TENM1: variants seen among roughly 807,000 people sequenced by gnomAD.
TENM1 encodes teneurin-1.
TENM1 carries 35 observed loss-of-function variants against 174.8 expected under a neutral mutation model. The observed-to-expected ratio is 0.20, with a 90% CI of 0.15 to 0.27. The LOEUF is 0.27. TENM1 is among the 10% of genes least tolerant of loss of function. The pLI, the probability that TENM1 is intolerant of heterozygous loss-of-function variation, is 1.00. For synonymous variants in TENM1, 781 were observed against 798.7 expected (o/e 0.98, Z 0.37); for missense variants, 1,633 against 2,130.1 (o/e 0.77, Z 4.59).
intron 22 of TENM1, among the ~76,000 whole-genome samples, chrX:124,468,618 T>G (rs1471575163): frequency 8.9e-6 from 1 of 112,394 alleles, no homozygotes; most frequent in East Asian, 2.8e-4. Flanking sequence ...CATGTTTTTA[T>G]AAATTTTCCA....
At position 124,926,685 on chromosome X, in the gene TENM1, C is replaced by T. The variant is rs185367716; in HGVS notation, c.218-30444G>A. Among the ~76,000 whole-genome samples the T allele has an allele frequency of 2.7e-5, 3 of 111,728 alleles. No individual in the cohort carries two copies. The East Asian group carries it at 8.5e-4, about 32-fold the overall frequency. On this transcript the variant is annotated intron_variant, in intron 1 of 31. Transcript: ENST00000422452. ...CAAATTTTAGTACACTGACTCCTTC[C>T]CTTTAATGAATAAACACACACAAGT... is the stretch of plus-strand genomic sequence containing the variant.
rs192550550 is a variant in TENM1, at chrX:124,383,750, G to A, written c.7181C>T (p.Thr2394Met). ...CTGTTTCCATATGTGATGATTAGGC[G>A]TTGTCCATCTGCCAGCAACAACATC... Residue 2394 changes from threonine (T) to methionine (M), a missense_variant, in exon 30 of 32, where the codon ACG (threonine) becomes ATG (methionine). Physicochemically the swap from Thr to Met is moderately conservative, Grantham distance 81. Transcript: ENST00000422452. 6.5e-5 allele frequency: 78 copies of A among 1,208,999 alleles called. No homozygotes were observed. The highest frequency in any genetic ancestry group is 1.5e-4 in the East Asian group (5 of 33,743).
intron 23 of TENM1, among the ~76,000 whole-genome samples, chrX:124,432,876 G>A: frequency 8.9e-6 from 1 of 112,511 alleles, no homozygotes; most frequent in Non-Finnish European, 1.9e-5. Context: ...TACTTAAAAA[G>A]GCTGCTTAAG....
At chrX:124,626,150 C>T (rs5910103) in intron 11 of TENM1, among the ~76,000 whole-genome samples, 10,974 of 110,643 alleles carry the variant, frequency 0.099, 632 homozygotes, top group Non-Finnish European at 0.16. Flanking sequence ...CAGAGGATTT[C>T]CTTTGCCAGA....
intron 3 of TENM1, among the ~76,000 whole-genome samples, chrX:124,804,990 GGAGA>G (rs1475662389): frequency 8.9e-6 from 1 of 112,031 alleles, no homozygotes; most frequent in African/African-American, 3.2e-5. Flanking sequence ...TCAATTCAGA[GGAGA>G]GAGAGTGTAT....
At chrX:124,430,530 A>C (rs1379138669) in intron 23 of TENM1, among the ~76,000 whole-genome samples, 1 of 112,437 alleles carries the variant, frequency 8.9e-6, no homozygotes. Flanking sequence ...TAGACCATCT[A>C]GCACAGTGCT....
intron 11 of TENM1, among the ~76,000 whole-genome samples, chrX:124,606,088 T>C (rs1345533429): frequency 2.7e-5 from 3 of 111,490 alleles, no homozygotes; most frequent in African/African-American, 6.5e-5. Context: ...CTGGTGTATT[T>C]AGATTACAAT....
At chrX:124,530,252 A>G (rs1032025596) in intron 15 of TENM1, among the ~76,000 whole-genome samples, 1 of 110,305 alleles carries the variant, frequency 9.1e-6, no homozygotes, top group African/African-American at 3.3e-5. Context: ...ATTCCTTAAT[A>G]TATCATTTTT....
intron 3 of TENM1, among the ~76,000 whole-genome samples, chrX:124,875,056 C>T (rs1603256292): frequency 9.0e-6 from 1 of 111,367 alleles, no homozygotes; most frequent in East Asian, 2.8e-4. Context: ...GTATGTTAGG[C>T]TTTTTATAAG....
At position 124,549,931 on chromosome X, in the gene TENM1, T is replaced by C. The variant is rs757430975; in HGVS notation, c.2435-2841A>G. Among the ~76,000 whole-genome samples, 306 of 109,778 alleles carry C rather than the reference T, an allele frequency of 2.8e-3. 2 individuals carry two copies. The highest frequency in any genetic ancestry group is 4.7e-3 in the Non-Finnish European group (245 of 52,577). ...CAGTTTTTTTTTTTTTTTCTAATTG[T>C]TCAGAATTGGAAGCTGTGGCACCCT... On this transcript the variant is annotated intron_variant, in intron 14 of 31. Coordinates refer to ENST00000422452, the Ensembl canonical transcript of TENM1.
At chrX:125,137,991 A>G in the TENM1 span, among the ~76,000 whole-genome samples, 3 of 111,757 alleles carry the variant, frequency 2.7e-5, no homozygotes, top group Admixed American at 1.9e-4. Flanking sequence ...TGTCCTTGCC[A>G]ATTTTAAATC....
intron 25 of TENM1, among the ~76,000 whole-genome samples, chrX:124,408,481 A>G (rs1008655647): frequency 9.0e-6 from 1 of 110,994 alleles, no homozygotes; most frequent in Admixed American, 9.5e-5. Context: ...TAGAGGAGGC[A>G]GGAGTTTGCA....
the TENM1 span, among the ~76,000 whole-genome samples, chrX:124,986,418 A>G: frequency 1.8e-5 from 2 of 112,015 alleles, no homozygotes; most frequent in Admixed American, 1.9e-4. Flanking sequence ...TTAGGTAATC[A>G]TAGAACACTC....
chrX:124,451,827 A>G (rs1413899469), intron 23 of TENM1, among the ~76,000 whole-genome samples: 3 of 112,093 alleles, frequency 2.7e-5, no homozygotes, highest in African/African-American at 9.7e-5. Flanking sequence ...ATATGGAGAA[A>G]GCTGAAACTG....
chrX:125,035,677 C>T, the TENM1 span, among the ~76,000 whole-genome samples: 24 of 111,800 alleles, frequency 2.1e-4, no homozygotes, highest in African/African-American at 7.8e-4. Context: ...AGTGCTAGTT[C>T]TTAGCCAGAA....
chrX:124,463,082 C>G (rs890261242), intron 22 of TENM1, among the ~76,000 whole-genome samples: 16 of 111,868 alleles, frequency 1.4e-4, no homozygotes, highest in African/African-American at 4.6e-4. Flanking sequence ...ACCGCTCCCC[C>G]CACCACACAC....
the TENM1 span, among the ~76,000 whole-genome samples, chrX:125,187,843 C>T: frequency 1.4e-3 from 156 of 111,169 alleles, no homozygotes; most frequent in South Asian, 8.3e-3. Flanking sequence ...GAAAGATGTT[C>T]AAAAATATTT....
In TENM1 at chrX:124,714,890, C is replaced by A. The variant is rs2053143066; in HGVS notation, c.777-9639G>T. On this transcript the variant is annotated intron_variant, in intron 4 of 31. Coordinates refer to ENST00000422452, the Ensembl canonical transcript of TENM1. Reference sequence around the variant, plus strand: ...ATTAATGCTTCTCTTCATAATAATGCCCTTTCAAGTCACCCTTTCATTCTC... The same window carrying A: ...ATTAATGCTTCTCTTCATAATAATGACCTTTCAAGTCACCCTTTCATTCTC... Among the ~76,000 whole-genome samples the A allele has an allele frequency of 3.6e-5, 4 of 111,191 alleles. No individual in the cohort carries two copies. In the Admixed American group the frequency reaches 3.8e-4, roughly 11 times the overall value.
intron 5 of TENM1, among the ~76,000 whole-genome samples, chrX:124,691,893 T>C (rs1056652298): frequency 1.3e-4 from 14 of 111,865 alleles, no homozygotes; most frequent in Non-Finnish European, 2.4e-4. Flanking sequence ...GTGTTCGTTA[T>C]AATTTTTCTT....
Sources: allele counts gnomAD v4.1 joint callset (sites outside exome capture counted in the v4.1 genomes callset), GRCh38; gene constraint gnomAD v4.1.1; transcripts MANE v1.5; gene names NCBI Gene and HGNC (gene_info 2026-07-23, HGNC 2026-07-21).